Variants in MALRD1 observed in about 807,000 individuals in gnomAD.
MALRD1 encodes the protein MAM and LDL-receptor class A domain-containing protein 1.
MALRD1 carries 247 observed loss-of-function variants against 242.1 expected under a neutral mutation model. The observed-to-expected ratio is 1.02, with a 90% CI of 0.92 to 1.13. The LOEUF (loss-of-function observed/expected upper bound fraction) is 1.13. Among genes scored for constraint, MALRD1 ranks in the 50% most tolerant of loss-of-function variants. The pLI is 0.00. For missense variants in MALRD1, 2,989 were observed against 2,533.1 expected, an observed-to-expected ratio of 1.18 and a Z score of -3.86; for synonymous variants, 995 against 866.6, an observed-to-expected ratio of 1.15 and a Z score of -2.60.
At chr10:19,572,940 A>G (rs1435345762) in intron 33 of MALRD1, among the ~76,000 whole-genome samples, 1 of 152,198 alleles carries the variant, frequency 6.6e-6, no homozygotes, top group Non-Finnish European at 1.5e-5. Context: ...GGCCTCCACA[A>G]CTATGGAAGC....
At chr10:19,322,395 AT>A (rs1159478501) in intron 21 of MALRD1, among the ~76,000 whole-genome samples, 2 of 152,274 alleles carry the variant, frequency 1.3e-5, no homozygotes, top group African/African-American at 4.8e-5. Context: ...GACACTACTT[AT>A]TTCATTAGGA....
intron 38 of MALRD1, among the ~76,000 whole-genome samples, chr10:19,710,175 C>T (rs1260062998): frequency 6.6e-6 from 1 of 152,108 alleles, no homozygotes; most frequent in Admixed American, 6.6e-5. Context: ...TCACTTTAGA[C>T]TATTTAATTT....
At position 19,694,790 on chromosome 10, in the gene MALRD1, C is replaced by T. The variant is rs200797831; in HGVS notation, c.6314+2236C>T. Among the ~76,000 whole-genome samples, 3 of 152,134 alleles carry T rather than the reference C, an allele frequency of 2.0e-5. No individual in the cohort carries two copies. The East Asian group carries it at 5.8e-4, about 29-fold the overall frequency. On this transcript the variant is annotated intron_variant, in intron 38 of 39. Transcript: ENST00000454679. Reference sequence around the variant, plus strand: ...ATGCACATGTACGTTTATTGCGGCACTATTCACAATAGCAAAGACTTGGAA... The same window carrying T: ...ATGCACATGTACGTTTATTGCGGCATTATTCACAATAGCAAAGACTTGGAA...
chr10:19,529,276 A>C (rs567578534), intron 31 of MALRD1, among the ~76,000 whole-genome samples: 15 of 152,208 alleles, frequency 9.9e-5, no homozygotes, highest in Non-Finnish European at 1.8e-4. Flanking sequence ...AAGAAGTGGG[A>C]GGGAATAATT....
chr10:19,320,603 G>A (rs1473323731), intron 21 of MALRD1, among the ~76,000 whole-genome samples: 1 of 152,098 alleles, frequency 6.6e-6, no homozygotes, highest in East Asian at 1.9e-4. Context: ...GGATTGCTGG[G>A]TCAAATGGTA....
intron 18 of MALRD1, among the ~76,000 whole-genome samples, chr10:19,210,897 G>A (rs2782322): frequency 0.051 from 7,721 of 152,042 alleles, 283 homozygotes; most frequent in Non-Finnish European, 0.069. Context: ...GTTTGGCTCC[G>A]CCACAGTGTA....
intron 14 of MALRD1, among the ~76,000 whole-genome samples, chr10:19,193,705 A>G: frequency 6.6e-6 from 1 of 152,190 alleles, no homozygotes; most frequent in Non-Finnish European, 1.5e-5. Flanking sequence ...CTTGGGTAAT[A>G]AGAGTTCCCT....
At chr10:19,380,277 CTTT>C (rs11449066) in intron 26 of MALRD1, among the ~76,000 whole-genome samples, 12 of 140,670 alleles carry the variant, frequency 8.5e-5, no homozygotes, top group Admixed American at 1.4e-4. Flanking sequence ...GGCCAGCCTT[CTTT>C]TTTTTTTTTT....
chr10:19,337,831 G>A (rs960150089), intron 24 of MALRD1, among the ~76,000 whole-genome samples: 1 of 152,060 alleles, frequency 6.6e-6, no homozygotes, highest in African/African-American at 2.4e-5. Flanking sequence ...GGGAGGCCAA[G>A]GTGGGTGGAT....
intron 38 of MALRD1, among the ~76,000 whole-genome samples, chr10:19,725,914 C>T (rs1449865266): frequency 6.6e-6 from 1 of 151,936 alleles, no homozygotes; most frequent in Non-Finnish European, 1.5e-5. Context: ...GCAGATGGAC[C>T]CCCTACTTCA....
At chr10:19,320,121 G>GTATA (rs2132023409) in intron 21 of MALRD1, among the ~76,000 whole-genome samples, 1 of 141,014 alleles carries the variant, frequency 7.1e-6, no homozygotes, top group African/African-American at 2.7e-5. Context: ...TGTTACATAG[G>GTATA]TATACATGTG....
At chr10:19,140,170 T>C (rs957739051) in intron 10 of MALRD1, among the ~76,000 whole-genome samples, 10 of 152,192 alleles carry the variant, frequency 6.6e-5, no homozygotes, top group African/African-American at 2.4e-4. Flanking sequence ...GCTTTCTTTC[T>C]TATTTCACAG....
At chr10:19,331,000 T>C (rs1843337406) in intron 23 of MALRD1, among the ~76,000 whole-genome samples, 2 of 152,210 alleles carry the variant, frequency 1.3e-5, no homozygotes, top group Admixed American at 6.5e-5. Context: ...TTATGTCATC[T>C]GATCTACTGC....
chr10:19,148,784 A>ATATATATATATAT (rs1309198981), intron 11 of MALRD1, among the ~76,000 whole-genome samples: 9 of 63,928 alleles, frequency 1.4e-4, no homozygotes, highest in African/African-American at 3.8e-4. Flanking sequence ...AAAAAAAAAA[A>ATATATATATATAT]AAAAATATAT....
intron 19 of MALRD1, among the ~76,000 whole-genome samples, chr10:19,273,139 C>T (rs928803086): frequency 6.6e-6 from 1 of 152,108 alleles, no homozygotes; most frequent in Admixed American, 6.6e-5. Context: ...CTAATTTACA[C>T]TCCCACCCAA....
rs184081511 is a variant in MALRD1, at chr10:19,430,658, C to G, written c.4846-19649C>G. Among the ~76,000 whole-genome samples the G allele has an allele frequency of 2.9e-3, 446 of 152,142 alleles. 3 individuals carry two copies. Among genetic ancestry groups the G allele is most frequent in the African/African-American group, 1.0e-2 (414 of 41,502 alleles). On this transcript the variant is annotated intron_variant, in intron 28 of 39. Transcript: ENST00000454679. ...CCTTAAATCATGTATTCTTATGTTC[C>G]CATGTGACACCCAGCTCTATTGGCA...
intron 14 of MALRD1, among the ~76,000 whole-genome samples, chr10:19,186,138 A>G (rs986371436): frequency 6.6e-6 from 1 of 152,202 alleles, no homozygotes; most frequent in Admixed American, 6.5e-5. Flanking sequence ...TATTAAATGC[A>G]TATTGGTAAA....
chr10:19,068,996 T>G (rs1321213779), intron 2 of MALRD1, among the ~76,000 whole-genome samples: 1 of 152,096 alleles, frequency 6.6e-6, no homozygotes, highest in Non-Finnish European at 1.5e-5. Flanking sequence ...AAAATAGTAG[T>G]ACTACAACAA....
intron 33 of MALRD1, among the ~76,000 whole-genome samples, chr10:19,571,338 C>T (rs1048322399): frequency 6.6e-6 from 1 of 151,682 alleles, no homozygotes; most frequent in Non-Finnish European, 1.5e-5. Flanking sequence ...CAAATAGCAG[C>T]CAACGAAGTC....
Sources: gnomAD v4.1 joint callset for allele counts (sites outside exome capture counted in the v4.1 genomes callset) on GRCh38, gnomAD v4.1.1 for gene constraint, MANE v1.5 for transcripts, NCBI Gene and HGNC (gene_info 2026-07-23, HGNC 2026-07-21) for gene names.